RXRG: variants seen among roughly 807,000 people sequenced by gnomAD.
RXRG encodes the protein retinoid X receptor gamma.
A neutral mutation model predicts 49.2 loss-of-function variants in RXRG; 19 were observed. The observed-to-expected ratio is 0.39, with a 90% confidence interval of 0.27 to 0.57. The LOEUF is 0.57. RXRG is among the 20% of genes least tolerant of loss of function. The pLI, the probability that RXRG is intolerant of heterozygous loss-of-function variation, is 0.64. For missense variants in RXRG, 452 were observed against 592.5 expected, an observed-to-expected ratio of 0.76 and a Z score of 2.46; for synonymous variants, 224 against 216.6, an observed-to-expected ratio of 1.03 and a Z score of -0.30.
chr1:165,429,742 T>A (rs749184969), intron 1 of RXRG, among the ~76,000 whole-genome samples: 2 of 152,178 alleles, frequency 1.3e-5, no homozygotes, highest in African/African-American at 2.4e-5. Context: ...CGAGACCATT[T>A]CTGCCTCCAA....
chr1:165,401,848 T>G (rs1216663248), intron 9 of RXRG, among the ~76,000 whole-genome samples: 1 of 152,234 alleles, frequency 6.6e-6, no homozygotes, highest in Non-Finnish European at 1.5e-5. Flanking sequence ...GCTGTCACCA[T>G]TAGATGACAC....
chr1:165,438,364 A>C (rs1658879576), intron 1 of RXRG, among the ~76,000 whole-genome samples: 1 of 152,090 alleles, frequency 6.6e-6, no homozygotes, highest in African/African-American at 2.4e-5. Context: ...ATAAAAAAAA[A>C]ATCCCAAATC....
intron 1 of RXRG, among the ~76,000 whole-genome samples, chr1:165,439,726 T>G (rs570886814): frequency 3.9e-5 from 6 of 152,240 alleles, no homozygotes; most frequent in Non-Finnish European, 8.8e-5. Flanking sequence ...CTGCTCCCCA[T>G]TCACTGGAAA....
At chr1:165,418,110 CAAAAAAAAAAAAAAAA>C (rs57782668) in intron 3 of RXRG, among the ~76,000 whole-genome samples, 1 of 73,858 alleles carries the variant, frequency 1.4e-5, no homozygotes, top group African/African-American at 5.4e-5. Context: ...GATCCCGTCT[CAAAAAAAAAAAAAAAA>C]AAAAAAAAAA....
chr1:165,411,065 C>T lies in RXRG; in HGVS notation c.667G>A (p.Glu223Lys), dbSNP rs1359187980. The change falls in exon 5 of 10, where the codon GAG becomes AAG. Residue 223 changes from glutamate to lysine, a missense_variant. Glu to Lys is a moderately conservative substitution (Grantham distance 56, BLOSUM62 1). Coordinates refer to ENST00000359842, the MANE Select transcript of RXRG (RefSeq NM_006917.5). ...TGACCACTGGTAGCACATTCTGCCT[C>T]ACTCTCAGCTCGCTCTCGGCTCCTC... is the stretch of plus-strand genomic sequence containing the variant. ...RQRSRERAES[E>K]AECATSGHED... 2 of 1,614,012 alleles carry T rather than the reference C, an allele frequency of 1.2e-6. No individual in the cohort carries two copies. Among genetic ancestry groups the T allele is most frequent in the Non-Finnish European group, 1.7e-6 (2 of 1,180,014 alleles).
chr1:165,416,949 C>T lies in RXRG; in HGVS notation c.622+92G>A, dbSNP rs796276013. ...AAGTGGAGATTAGGATGACTTTGGGCACCATGACTTCTCGTGTATTGCAGT... is the reference window on the plus strand; with the variant it reads ...AAGTGGAGATTAGGATGACTTTGGGTACCATGACTTCTCGTGTATTGCAGT... On this transcript the variant is annotated intron_variant, in intron 4 of 9. Transcript: ENST00000359842. 4.0e-5 allele frequency: 50 copies of T among 1,237,676 alleles called. No individual in the cohort carries two copies. In the African/African-American group the frequency reaches 5.8e-4, roughly 14 times the overall value. The allele number at this position is 1,237,676 out of a possible 1,614,324, so 76.7% of individuals were successfully genotyped here. A position where few individuals can be genotyped will look rare whatever the true frequency, so the allele number is the denominator to read the frequency against.
intron 2 of RXRG, 116 bp from the exon 3 acceptor site, chr1:165,420,130 C>T: frequency 1.2e-6 from 1 of 823,174 alleles, no homozygotes; most frequent in Non-Finnish European, 1.7e-6. Flanking sequence ...AAACAGTTTC[C>T]AAGTACAGAG....
At chr1:165,437,887 G>A (rs1047887212) in intron 1 of RXRG, among the ~76,000 whole-genome samples, 1 of 152,192 alleles carries the variant, frequency 6.6e-6, no homozygotes. Context: ...GGCTGGGAAA[G>A]GTGGTGTGCA....
chr1:165,434,512 G>T (rs1387195630), intron 1 of RXRG, among the ~76,000 whole-genome samples: 4 of 152,226 alleles, frequency 2.6e-5, no homozygotes, highest in Non-Finnish European at 5.9e-5. Context: ...TGCCAGGAAG[G>T]GTAGAGAGTT....
chr1:165,424,000 G>T, intron 2 of RXRG, among the ~76,000 whole-genome samples: 1 of 152,298 alleles, frequency 6.6e-6, no homozygotes, highest in East Asian at 1.9e-4. Flanking sequence ...AGGTCAGGCT[G>T]CAGAGTTCAG....
chr1:165,409,758 A>G, intron 6 of RXRG, 68 bp from the exon 7 acceptor site: 3 of 1,325,196 alleles, frequency 2.3e-6, no homozygotes, highest in Non-Finnish European at 2.9e-6. Context: ...TAATCACCCA[A>G]GGCATGTACT....
At chr1:165,417,301 C>T (rs1285158719) in intron 3 of RXRG, 81 bp from the exon 4 acceptor site, 2 of 1,331,168 alleles carry the variant, frequency 1.5e-6, no homozygotes, top group Non-Finnish European at 1.0e-6. Flanking sequence ...CTTGGCTCTT[C>T]CCCCAGAGAA....
intron 1 of RXRG, among the ~76,000 whole-genome samples, chr1:165,436,417 G>A (rs776335558): frequency 6.6e-6 from 1 of 152,138 alleles, no homozygotes; most frequent in Non-Finnish European, 1.5e-5. Context: ...AATCAAGCCT[G>A]GAAAATTGTA....
intron 2 of RXRG, among the ~76,000 whole-genome samples, chr1:165,423,011 T>C (rs975422318): frequency 6.6e-6 from 1 of 152,222 alleles, no homozygotes; most frequent in Non-Finnish European, 1.5e-5. Flanking sequence ...GCAGACTTGC[T>C]TTGGGGCACT....
intron 4 of RXRG, among the ~76,000 whole-genome samples, chr1:165,413,566 C>T (rs1315977286): frequency 6.6e-6 from 1 of 152,164 alleles, no homozygotes; most frequent in East Asian, 1.9e-4. Flanking sequence ...CTCCAAGGTA[C>T]TGGGCTAGGT....
At chr1:165,424,980 C>A in intron 2 of RXRG, 5 of 985,154 alleles carry the variant, frequency 5.1e-6, no homozygotes, top group Non-Finnish European at 6.0e-6. Context: ...GGGTCTCAGG[C>A]TGCTGAGCTT....
Position 165,417,239 on chromosome 1 carries a change from C to T in RXRG, c.443-19G>A, listed in dbSNP as rs748464052. On this transcript the variant is annotated intron_variant, in intron 3 of 9. Transcript: ENST00000359842. ...TGCTTTCCTGGTTAGAAGAAAAGAA[C>T]ATTCCATAGATTGTTCTTGTGTTTA... 5 of 1,587,848 alleles carry T rather than the reference C, an allele frequency of 3.1e-6. No individual in the cohort carries two copies. In the South Asian group the frequency reaches 4.6e-5, roughly 15 times the overall value.
At position 165,401,224 on chromosome 1, in the gene RXRG, A is replaced by C; in HGVS notation, c.*39T>G. The C allele has an allele frequency of 6.2e-7, 1 of 1,609,768 alleles. No homozygotes were observed. Among genetic ancestry groups the C allele is most frequent in the Non-Finnish European group, 8.5e-7 (1 of 1,177,344 alleles). Reference sequence around the variant, plus strand: ...GGTGGGGGTCCACACACACCTGCCCAGGGGTCATCCTGGGTGGGGAGGCTG... The same window carrying C: ...GGTGGGGGTCCACACACACCTGCCCCGGGGTCATCCTGGGTGGGGAGGCTG... On this transcript the variant is annotated 3_prime_UTR_variant, in exon 10 of 10. Coordinates refer to ENST00000359842, the MANE Select transcript of RXRG (RefSeq NM_006917.5).
chr1:165,440,673 A>C (rs1049883997), intron 1 of RXRG, among the ~76,000 whole-genome samples: 6 of 151,582 alleles, frequency 4.0e-5, no homozygotes, highest in Non-Finnish European at 7.4e-5. Flanking sequence ...TGCATTCTAG[A>C]AAATTAACTT....
Sources: gnomAD v4.1 joint callset for allele counts (sites outside exome capture counted in the v4.1 genomes callset) on GRCh38, gnomAD v4.1.1 for gene constraint, MANE v1.5 for transcripts, NCBI Gene and HGNC (gene_info 2026-07-23, HGNC 2026-07-21) for gene names.